ZNF536: variants seen among roughly 807,000 people sequenced by gnomAD.
ZNF536 encodes zinc finger protein 536.
A neutral mutation model predicts 84.5 loss-of-function variants in ZNF536; 13 were observed. The observed-to-expected ratio is 0.15, with a 90% CI of 0.10 to 0.24. The LOEUF (loss-of-function observed/expected upper bound fraction) is 0.24. Ranked by LOEUF, ZNF536 falls within the 10% of genes least tolerant of loss-of-function variation. The pLI is 1.00. For missense variants in ZNF536, 1,536 were observed against 1,747.5 expected, an observed-to-expected ratio of 0.88 and a Z score of 2.16; for synonymous variants, 811 against 742.5, an observed-to-expected ratio of 1.09 and a Z score of -1.50.
chr19:30,461,914 G>T (rs867936408), intron 2 of ZNF536, among the ~76,000 whole-genome samples: 1 of 152,154 alleles, frequency 6.6e-6, no homozygotes, highest in South Asian at 2.1e-4. Flanking sequence ...GACACCATCC[G>T]GAAGTCAGCT....
At chr19:30,564,106 G>T (rs2046269391) in intron 1 of ZNF536, among the ~76,000 whole-genome samples, 1 of 152,086 alleles carries the variant, frequency 6.6e-6, no homozygotes, top group Admixed American at 6.6e-5. Context: ...TAGAGGGAGA[G>T]AAGTGCAAAT....
intron 1 of ZNF536, among the ~76,000 whole-genome samples, chr19:30,598,957 C>CTTCT (rs1568589190): frequency 1.3e-5 from 1 of 79,494 alleles, no homozygotes; most frequent in African/African-American, 4.3e-5. Flanking sequence ...TTCTTCCTTC[C>CTTCT]TTCCTCCTTC....
intron 1 of ZNF536, among the ~76,000 whole-genome samples, chr19:30,241,135 T>C (rs1568519115): frequency 6.6e-6 from 1 of 151,826 alleles, no homozygotes; most frequent in Admixed American, 6.6e-5. Context: ...CTGGGCAGCA[T>C]AGTGAGACCC....
intron 2 of ZNF536, among the ~76,000 whole-genome samples, chr19:30,478,232 A>C (rs1347151925): frequency 1.3e-5 from 2 of 151,860 alleles, no homozygotes; most frequent in Admixed American, 1.3e-4. Context: ...TATGCTATGA[A>C]GTCATTTTGG....
chr19:30,657,593 C>T (rs2049963008), intron 1 of ZNF536, among the ~76,000 whole-genome samples: 2 of 152,356 alleles, frequency 1.3e-5, no homozygotes, highest in South Asian at 4.1e-4. Flanking sequence ...TCCCCCTGCA[C>T]TCTCTTCCTG....
chr19:30,708,893 G>T (rs534075824), intron 1 of ZNF536, among the ~76,000 whole-genome samples: 174 of 152,294 alleles, frequency 1.1e-3, no homozygotes, highest in Non-Finnish European at 2.3e-3. Context: ...ATATGTGTTT[G>T]CTTGTTCTCT....
intron 2 of ZNF536, among the ~76,000 whole-genome samples, chr19:30,470,334 G>A (rs950007471): frequency 2.0e-5 from 3 of 152,172 alleles, no homozygotes; most frequent in African/African-American, 7.2e-5. Context: ...TAATATCACT[G>A]TGGTACTAAT....
intron 2 of ZNF536, among the ~76,000 whole-genome samples, chr19:30,453,209 TTGGGCAGAGCTG>T (rs2052689633): frequency 1.3e-5 from 2 of 152,208 alleles, no homozygotes; most frequent in Admixed American, 1.3e-4. Flanking sequence ...GGAACAGGAC[TTGGGCAGAGCTG>T]TGGGACTTGT....
chr19:30,600,281 C>T (rs563691233), intron 1 of ZNF536, among the ~76,000 whole-genome samples: 89 of 152,008 alleles, frequency 5.9e-4, no homozygotes, highest in African/African-American at 2.0e-3. Context: ...TTAGTAGAGA[C>T]GGGGTTTCAC....
At chr19:30,636,785 C>G (rs998436910) in intron 1 of ZNF536, among the ~76,000 whole-genome samples, 2 of 152,170 alleles carry the variant, frequency 1.3e-5, no homozygotes, top group African/African-American at 4.8e-5. Context: ...TTTTCTGGAC[C>G]TGGCTGCAGC....
intron 1 of ZNF536, among the ~76,000 whole-genome samples, chr19:30,442,068 G>T (rs73546125): frequency 0.032 from 4,889 of 152,322 alleles, 277 homozygotes; most frequent in African/African-American, 0.11. Flanking sequence ...CCACCTGGCT[G>T]CCCAACACAT....
At chr19:30,383,197 G>A (rs1254558529) in intron 1 of ZNF536, among the ~76,000 whole-genome samples, 1 of 152,174 alleles carries the variant, frequency 6.6e-6, no homozygotes, top group East Asian at 1.9e-4. Flanking sequence ...GGCTGAGGCA[G>A]GAGAATTGCT....
downstream of ZNF536, among the ~76,000 whole-genome samples, chr19:30,562,195 G>C (rs1316655506): frequency 1.3e-5 from 2 of 152,110 alleles, no homozygotes; most frequent in Non-Finnish European, 1.5e-5. Flanking sequence ...AAACTCTATA[G>C]TCTCCACCAC....
chr19:30,425,658 T>C (rs910821939), intron 1 of ZNF536, among the ~76,000 whole-genome samples: 1 of 152,170 alleles, frequency 6.6e-6, no homozygotes, highest in East Asian at 1.9e-4. Context: ...ACCATCCTTG[T>C]AGCTCCCTGG....
intron 1 of ZNF536, among the ~76,000 whole-genome samples, chr19:30,440,504 C>G (rs997224680): frequency 2.6e-5 from 4 of 152,192 alleles, no homozygotes; most frequent in Non-Finnish European, 4.4e-5. Context: ...CACACTGAAC[C>G]TAAGATAAGC....
intron 2 of ZNF536, among the ~76,000 whole-genome samples, chr19:30,516,791 GGCGAGGCTTCGTGGCGGCAGTGGAAGT>G (rs1199985103): frequency 6.6e-6 from 1 of 152,160 alleles, no homozygotes; most frequent in Non-Finnish European, 1.5e-5. Context: ...CGGGAGGCCA[GGCGAGGCTTCGTGGCGGCAGTGGAAGT>G]GCGAGGCTTC....
intron 1 of ZNF536, among the ~76,000 whole-genome samples, chr19:30,253,462 C>A (rs557907948): frequency 6.6e-6 from 1 of 152,186 alleles, no homozygotes; most frequent in Non-Finnish European, 1.5e-5. Flanking sequence ...GCCAGAGACA[C>A]GCGTTCTGTC....
chr19:30,700,678 G>A (rs561603398), intron 1 of ZNF536, among the ~76,000 whole-genome samples: 13 of 152,076 alleles, frequency 8.5e-5, no homozygotes, highest in African/African-American at 4.8e-5. Flanking sequence ...TGAGCCTCCC[G>A]TGGCCCTGAA....
chr19:30,697,708 A>G (rs778788228), intron 1 of ZNF536, among the ~76,000 whole-genome samples: 1 of 152,210 alleles, frequency 6.6e-6, no homozygotes, highest in Non-Finnish European at 1.5e-5. Context: ...TGCTTGAATA[A>G]TGAAAAATGC....
Sources: gnomAD v4.1 joint callset for allele counts (sites outside exome capture counted in the v4.1 genomes callset) on GRCh38, gnomAD v4.1.1 for gene constraint, MANE v1.5 for transcripts, NCBI Gene and HGNC (gene_info 2026-07-23, HGNC 2026-07-21) for gene names.